Variants in CTNNA3 observed in about 807,000 individuals in gnomAD.
CTNNA3 encodes catenin alpha 3.
Under a neutral mutation model 95.7 loss-of-function variants are expected in CTNNA3, and 76 were observed. The ratio of observed to expected loss-of-function variants is 0.79; its 90% CI spans 0.66 to 0.96. The LOEUF is 0.96. CTNNA3 is among the 40% of genes least tolerant of loss of function. The pLI is 0.00. For synonymous variants in CTNNA3, 431 were observed against 374.4 expected (o/e 1.15, Z -1.74); for missense variants, 1,191 against 1,089.8 (o/e 1.09, Z -1.31).
intron 1 of CTNNA3, among the ~76,000 whole-genome samples, chr10:67,718,565 C>G (rs1228842128): frequency 1.3e-5 from 2 of 152,136 alleles, no homozygotes; most frequent in Non-Finnish European, 2.9e-5. Context: ...TTGAGATAAT[C>G]AAGTGGTTTT....
chr10:66,235,266 G>A (rs1208336854), intron 13 of CTNNA3, among the ~76,000 whole-genome samples: 2 of 151,992 alleles, frequency 1.3e-5, no homozygotes, highest in Non-Finnish European at 2.9e-5. Flanking sequence ...ATATCAAATT[G>A]TGCTGCTTCT....
At chr10:66,851,059 T>G (rs1022573088) in intron 7 of CTNNA3, among the ~76,000 whole-genome samples, 1 of 152,062 alleles carries the variant, frequency 6.6e-6, no homozygotes, top group Non-Finnish European at 1.5e-5. Flanking sequence ...AAGTCCAGAC[T>G]CCTCTCACCC....
intron 5 of CTNNA3, among the ~76,000 whole-genome samples, chr10:67,261,467 C>T (rs973518402): frequency 5.3e-5 from 8 of 152,204 alleles, no homozygotes; most frequent in Admixed American, 5.2e-4. Flanking sequence ...AAGAGTGAGG[C>T]ATTTTGCGAT....
At chr10:66,891,901 A>G (rs1341343397) in intron 7 of CTNNA3, among the ~76,000 whole-genome samples, 1 of 152,100 alleles carries the variant, frequency 6.6e-6, no homozygotes, top group African/African-American at 2.4e-5. Flanking sequence ...AGGCACCATA[A>G]GTTCAGATAA....
intron 7 of CTNNA3, among the ~76,000 whole-genome samples, chr10:67,069,016 T>C (rs1856268837): frequency 1.3e-5 from 2 of 151,654 alleles, no homozygotes; most frequent in Admixed American, 1.3e-4. Context: ...AGATCACCAC[T>C]GAACTCCACT....
At chr10:66,872,406 C>A (rs1017063583) in intron 7 of CTNNA3, among the ~76,000 whole-genome samples, 1 of 152,120 alleles carries the variant, frequency 6.6e-6, no homozygotes, top group African/African-American at 2.4e-5. Context: ...CAGTGGCTCA[C>A]ACCTGTAATA....
At chr10:65,954,954 T>A (rs2133220429) in intron 17 of CTNNA3, among the ~76,000 whole-genome samples, 1 of 152,350 alleles carries the variant, frequency 6.6e-6, no homozygotes, top group South Asian at 2.1e-4. Flanking sequence ...GCAGATGGCA[T>A]TGAATCTATA....
chr10:66,529,105 T>C (rs1380213488), intron 10 of CTNNA3, among the ~76,000 whole-genome samples: 1 of 152,144 alleles, frequency 6.6e-6, no homozygotes, highest in Non-Finnish European at 1.5e-5. Context: ...CAGCCTGGCC[T>C]ATCACAATCA....
At position 67,554,195 on chromosome 10, in the gene CTNNA3, T is replaced by C. The variant is rs534638335; in HGVS notation, c.293-14526A>G. Among the ~76,000 whole-genome samples, 5 of 152,330 alleles carry C rather than the reference T, an allele frequency of 3.3e-5. No homozygotes were observed. In the South Asian group the frequency reaches 6.2e-4, roughly 19 times the overall value. ...TTGGGTTGGTTTCAAGTCTTTGCTA[T>C]TGTGAATAGTGCCACAATAAACATA... On this transcript the variant is annotated intron_variant, in intron 3 of 17. Coordinates refer to ENST00000433211, the MANE Select transcript of CTNNA3 (RefSeq NM_013266.4).
chr10:66,927,724 G>A lies in CTNNA3; in HGVS notation c.1048-152200C>T. 6.2e-7 allele frequency: 1 copy of A among 1,614,168 alleles called. No homozygotes were observed. Among genetic ancestry groups the A allele is most frequent in the Non-Finnish European group, 8.5e-7 (1 of 1,180,038 alleles). Reference sequence around the variant, plus strand: ...AGGCAATGAGATCGAAGCTTTCAGTGGACCCAGTGTTTTCCAGTGTGTCCC... The same window carrying A: ...AGGCAATGAGATCGAAGCTTTCAGTAGACCCAGTGTTTTCCAGTGTGTCCC... On this transcript the variant is annotated intron_variant, in intron 7 of 17. Coordinates refer to ENST00000433211, the MANE Select transcript of CTNNA3 (RefSeq NM_013266.4). The surrounding 1 kb of genome is among the most constrained non-coding windows in gnomAD (Gnocchi z 4.7).
At chr10:66,917,971 A>G (rs914158854) in intron 7 of CTNNA3, among the ~76,000 whole-genome samples, 1 of 152,204 alleles carries the variant, frequency 6.6e-6, no homozygotes, top group East Asian at 1.9e-4. Context: ...CCACTGTGAG[A>G]AAATACAGGA....
At chr10:65,977,309 C>T (rs1001763012) in intron 16 of CTNNA3, among the ~76,000 whole-genome samples, 25 of 151,840 alleles carry the variant, frequency 1.6e-4, no homozygotes, top group Admixed American at 9.2e-4. Context: ...TCTACCAAGA[C>T]GCTTGGAGCC....
intron 5 of CTNNA3, among the ~76,000 whole-genome samples, chr10:67,478,806 A>T (rs1199493418): frequency 6.6e-6 from 1 of 151,922 alleles, no homozygotes; most frequent in Admixed American, 6.6e-5. Context: ...AAACAGTCTA[A>T]ACACCCCCAC....
At chr10:66,622,319 T>G (rs1844778018) in intron 9 of CTNNA3, among the ~76,000 whole-genome samples, 1 of 152,160 alleles carries the variant, frequency 6.6e-6, no homozygotes. Flanking sequence ...CACTACAACT[T>G]CATGGGCACT....
intron 9 of CTNNA3, among the ~76,000 whole-genome samples, chr10:66,753,616 T>G (rs1670791924): frequency 6.6e-6 from 1 of 151,396 alleles, no homozygotes; most frequent in Non-Finnish European, 1.5e-5. Context: ...GAGCCGAGAT[T>G]GCACCATTGC....
intron 13 of CTNNA3, among the ~76,000 whole-genome samples, chr10:66,127,446 C>A (rs1170961427): frequency 6.6e-6 from 1 of 152,062 alleles, no homozygotes; most frequent in Non-Finnish European, 1.5e-5. Context: ...TATTCCCAGA[C>A]TAATCATAAG....
At chr10:67,682,001 C>CA (rs1290559438) in intron 1 of CTNNA3, among the ~76,000 whole-genome samples, 2 of 150,936 alleles carry the variant, frequency 1.3e-5, no homozygotes, top group African/African-American at 2.4e-5. Flanking sequence ...ACTAAAAACA[C>CA]AAAAAAATTA....
intron 7 of CTNNA3, among the ~76,000 whole-genome samples, chr10:66,846,809 C>T (rs1417676767): frequency 6.6e-6 from 1 of 152,114 alleles, no homozygotes; most frequent in East Asian, 1.9e-4. Context: ...TGAGGTGATA[C>T]CAGGAATATT....
intron 12 of CTNNA3, among the ~76,000 whole-genome samples, chr10:66,283,079 A>T (rs1053246426): frequency 6.6e-6 from 1 of 151,822 alleles, no homozygotes; most frequent in African/African-American, 2.4e-5. Flanking sequence ...TTACTTTTGT[A>T]GTGTTAAAAG....
Sources: gnomAD v4.1 joint callset for allele counts (sites outside exome capture counted in the v4.1 genomes callset) on GRCh38, gnomAD v4.1.1 for gene constraint, Gnocchi (gnomAD v3.1) non-coding constraint, MANE v1.5 for transcripts, NCBI Gene and HGNC (gene_info 2026-07-23, HGNC 2026-07-21) for gene names.